TESK2: variants seen among roughly 807,000 people sequenced by gnomAD.
The protein encoded by TESK2 is testis associated actin remodelling kinase 2.
TESK2 carries 39 observed loss-of-function variants against 57.1 expected under a neutral mutation model. The observed-to-expected ratio is 0.68, with a 90% confidence interval of 0.53 to 0.89. The LOEUF (loss-of-function observed/expected upper bound fraction) is 0.89, where lower values mean the gene tolerates loss of function less well. Ranked by LOEUF, TESK2 falls within the 40% of genes least tolerant of loss-of-function variation. TESK2 has a pLI of 0.00. For synonymous variants in TESK2, 249 were observed against 267.9 expected (o/e 0.93, Z 0.69); for missense variants, 646 against 732.1 (o/e 0.88, Z 1.36).
At chr1:45,433,290 G>A (rs1651059373) in intron 2 of TESK2, among the ~76,000 whole-genome samples, 1 of 151,746 alleles carries the variant, frequency 6.6e-6, no homozygotes. Flanking sequence ...TGTTGGCCAG[G>A]CTGGTCTTGA....
At chr1:45,440,385 C>T (rs1651394385) in intron 2 of TESK2, among the ~76,000 whole-genome samples, 1 of 152,076 alleles carries the variant, frequency 6.6e-6, no homozygotes, top group Non-Finnish European at 1.5e-5. Flanking sequence ...TCTCATTTCA[C>T]ATAATCATCA....
chr1:45,485,590 C>A (rs920906287), intron 1 of TESK2, among the ~76,000 whole-genome samples: 6 of 150,638 alleles, frequency 4.0e-5, no homozygotes, highest in African/African-American at 1.5e-4. Context: ...ATGATCTCGG[C>A]TCACTGCAAC....
At chr1:45,415,256 T>A in intron 3 of TESK2, 1 of 1,435,012 alleles carries the variant, frequency 7.0e-7, no homozygotes, top group Non-Finnish European at 9.8e-7. Flanking sequence ...AAAGAAGGCA[T>A]GAATATTGTG....
rs577720998 is a variant in TESK2 at position 45,369,245 on chromosome 1, A to C, written c.394-13796T>G. On this transcript the variant is annotated intron_variant, in intron 4 of 10. Coordinates refer to ENST00000372086, the MANE Select transcript of TESK2 (RefSeq NM_007170.3). ...GCTGAGTGCAGTGGCTCACGCCTGT[A>C]ATCTCAGCACTTTGGGAGGCCAAGG... Among the ~76,000 whole-genome samples the C allele has an allele frequency of 2.0e-5, 3 of 152,184 alleles. No individual in the cohort carries two copies. In the South Asian group the frequency reaches 6.2e-4, roughly 32 times the overall value.
chr1:45,449,331 A>G (rs1396357814), intron 2 of TESK2, among the ~76,000 whole-genome samples: 2 of 152,138 alleles, frequency 1.3e-5, no homozygotes, highest in Non-Finnish European at 2.9e-5. Flanking sequence ...CAGTCCACCA[A>G]TTGCACTCTG....
At chr1:45,386,008 T>C in intron 3 of TESK2, 48 bp from the exon 4 acceptor site, 3 of 1,434,230 alleles carry the variant, frequency 2.1e-6, no homozygotes, top group Non-Finnish European at 1.9e-6. Flanking sequence ...GACACAAATA[T>C]AAATTCATAT....
In TESK2 at chr1:45,359,536, G is replaced by C. The variant is rs12085461; in HGVS notation, c.394-4087C>G. Among the ~76,000 whole-genome samples the C allele has an allele frequency of 5.1e-3, 763 of 150,710 alleles. 3 individuals are homozygous for C. Among genetic ancestry groups the C allele is most frequent in the African/African-American group, 0.018 (732 of 40,916 alleles). On this transcript the variant is annotated intron_variant, in intron 4 of 10. Transcript: ENST00000372086. ...GATTGAGCCACTGCACTCCAGCCTA[G>C]GCAACAGAGTGAGACCCTGTCTTGA...
intron 1 of TESK2, among the ~76,000 whole-genome samples, chr1:45,463,217 T>G (rs1652405993): frequency 1.3e-5 from 2 of 152,246 alleles, no homozygotes; most frequent in South Asian, 4.1e-4. Flanking sequence ...TCATTTTCTG[T>G]GCAGAAGCTT....
chr1:45,365,646 T>C (rs1647881384), intron 4 of TESK2, among the ~76,000 whole-genome samples: 1 of 151,166 alleles, frequency 6.6e-6, no homozygotes, highest in South Asian at 2.1e-4. Flanking sequence ...CCTGAGTAGC[T>C]GGGATTACAG....
rs1025670707 is a variant in TESK2, at chr1:45,414,596, G to A, written c.344+7129C>T. 3.3e-5 allele frequency among the ~76,000 whole-genome samples: 5 copies of A among 152,108 alleles called. No homozygotes were observed. In the East Asian group the frequency reaches 9.6e-4, roughly 29 times the overall value. ...AGATAAGCTAAGAAAGTACATCAAG[G>A]AGATATGGAATAGGAATGGTAATGT... On this transcript the variant is annotated intron_variant, in intron 3 of 10. Transcript: ENST00000372086.
chr1:45,391,626 CTTGG>C (rs1014311791), intron 3 of TESK2, among the ~76,000 whole-genome samples: 6 of 152,136 alleles, frequency 3.9e-5, no homozygotes, highest in African/African-American at 1.2e-4. Context: ...GACTTGGAAA[CTTGG>C]TTGAAGTTCC....
At chr1:45,413,001 G>A (rs576408930) in intron 3 of TESK2, among the ~76,000 whole-genome samples, 9 of 152,220 alleles carry the variant, frequency 5.9e-5, no homozygotes, top group East Asian at 1.9e-4. Context: ...TCTTGGGGTC[G>A]TGGGGAGGTA....
chr1:45,449,754 G>T (rs922500179), intron 2 of TESK2, among the ~76,000 whole-genome samples: 6 of 152,166 alleles, frequency 3.9e-5, no homozygotes, highest in African/African-American at 1.4e-4. Context: ...TAGAAATGAT[G>T]AAATGTAGTA....
intron 4 of TESK2, among the ~76,000 whole-genome samples, chr1:45,360,448 T>C (rs1647638111): frequency 6.6e-6 from 1 of 152,108 alleles, no homozygotes; most frequent in Non-Finnish European, 1.5e-5. Flanking sequence ...GCACTCTCTA[T>C]AGGCCAGGTG....
chr1:45,413,673 A>C (rs1035303316), intron 3 of TESK2, among the ~76,000 whole-genome samples: 63 of 152,118 alleles, frequency 4.1e-4, no homozygotes, highest in African/African-American at 1.5e-3. Flanking sequence ...AGTTCAATAT[A>C]AAAAAGATAA....
chr1:45,443,196 GC>G (rs1651511804), intron 2 of TESK2, among the ~76,000 whole-genome samples: 1 of 152,050 alleles, frequency 6.6e-6, no homozygotes, highest in South Asian at 2.1e-4. Flanking sequence ...GAACCACTGT[GC>G]CCGGCCAACT....
chr1:45,458,558 C>T (rs12564806), intron 1 of TESK2, among the ~76,000 whole-genome samples: 35,735 of 147,704 alleles, frequency 0.24, 4,420 homozygotes, highest in East Asian at 0.36. Context: ...GAGTGAGACA[C>T]TGTCTCAAAA....
At chr1:45,403,357 C>T (rs1649710389) in intron 3 of TESK2, among the ~76,000 whole-genome samples, 3 of 152,014 alleles carry the variant, frequency 2.0e-5, no homozygotes. Flanking sequence ...CAGTAATATC[C>T]TCGGGTAAGT....
At chr1:45,351,707 G>T (rs1647235049) in intron 5 of TESK2, among the ~76,000 whole-genome samples, 1 of 152,208 alleles carries the variant, frequency 6.6e-6, no homozygotes, top group Non-Finnish European at 1.5e-5. Context: ...GAGGTTCCAA[G>T]GTCACTGAAG....
Sources: allele counts gnomAD v4.1 joint callset (sites outside exome capture counted in the v4.1 genomes callset), GRCh38; gene constraint gnomAD v4.1.1; transcripts MANE v1.5; gene names NCBI Gene and HGNC (gene_info 2026-07-23, HGNC 2026-07-21).